The following TFIP11 variants were observed in gnomAD, a reference collection of about 807,000 sequenced individuals.
TFIP11 encodes tuftelin interacting protein 11.
TFIP11 carries 86 observed loss-of-function variants against 96.8 expected under a neutral mutation model. The observed-to-expected ratio is 0.89, with a 90% CI of 0.75 to 1.06. The LOEUF (loss-of-function observed/expected upper bound fraction) is 1.06. Ranked by LOEUF, TFIP11 falls within the 50% of genes least tolerant of loss-of-function variation. The probability of loss-of-function intolerance (pLI) is 0.00; values close to 1 mark genes in which losing one functional copy is unlikely to be tolerated. For missense variants in TFIP11, 881 were observed against 1,076.7 expected (o/e 0.82, Z 2.54); for synonymous variants, 405 against 395.2 (o/e 1.02, Z -0.29).
intron 3 of TFIP11, 62 bp downstream of exon 3, chr22:26,510,555 C>T (rs1421340632): frequency 1.0e-5 from 4 of 396,484 alleles, no homozygotes; most frequent in African/African-American, 2.0e-5. Context: ...AAATATCACA[C>T]ATATTCACAC....
Position 26,498,928 on chromosome 22 carries a change from T to C in TFIP11, c.1377A>G (p.Leu459=). 6.2e-7 allele frequency: 1 copy of C among 1,613,574 alleles called. No individual in the cohort carries two copies. Among genetic ancestry groups the C allele is most frequent in the Non-Finnish European group, 8.5e-7 (1 of 1,179,876 alleles). Residue 459 remains leucine, a synonymous_variant, in exon 10 of 15, where the codon CTA becomes CTG. Coordinates refer to ENST00000407690, the MANE Select transcript of TFIP11 (RefSeq NM_012143.4). ...CATGGGACAAGAGCTGGTCATTCTC[T>C]AGGAGGCTTTTCCACTTAGAGATGA... ...TEIISKWKSL[L]ENDQLLSHGG...
intron 2 of TFIP11, 105 bp downstream of exon 2, chr22:26,511,994 G>T (rs764963603): frequency 6.6e-6 from 1 of 152,198 alleles, no homozygotes; most frequent in African/African-American, 2.4e-5. Context: ...GGTCGCTTGA[G>T]ACCGATTATC....
At position 26,498,854 on chromosome 22, in the gene TFIP11, T is replaced by TG. The variant is rs771072371; in HGVS notation, c.1436+14dup. 6.3e-7 allele frequency: 1 copy of TG among 1,594,732 alleles called. No homozygotes were observed. Among genetic ancestry groups the TG allele is most frequent in the East Asian group, 2.2e-5 (1 of 44,756 alleles). On this transcript the variant is annotated intron_variant, in intron 10 of 14. Coordinates refer to ENST00000407690, the MANE Select transcript of TFIP11 (RefSeq NM_012143.4). ...AGAAAGGAGCTGGGGTACAGAGCCC[T>TG]GCTCTGTGGTGTACCTGTGAAAGGC...
chr22:26,509,944 G>A, intron 4 of TFIP11, 120 bp downstream of exon 4: 1 of 987,480 alleles, frequency 1.0e-6, no homozygotes, highest in Non-Finnish European at 1.5e-6. Context: ...TGATGTCACA[G>A]CTAACAGTCT....
chr22:26,499,540 A>G lies in TFIP11; in HGVS notation c.893T>C (p.Leu298Pro). The stretch of plus-strand genomic sequence containing the variant: ...AGACTGTGGCAGCTGTTGGGACTGT[A>G]GCGGCAGCCCATCATCGGGAACGTT... ...KHNVPDDGLPLQSQQLPQSGK... is the reference protein window; with the variant it reads ...KHNVPDDGLPPQSQQLPQSGK... Residue 298 changes from leucine (L) to proline (P), a missense_variant, in exon 9 of 15, where the codon CTA becomes CCA. Transcript: ENST00000407690. 2 of 1,614,204 alleles carry G rather than the reference A, an allele frequency of 1.2e-6. No individual in the cohort carries two copies. The highest frequency in any genetic ancestry group is 1.1e-5 in the South Asian group (1 of 91,080).
rs1459496193 is a variant in TFIP11 at position 26,493,943 on chromosome 22, C to T, written c.2158+196G>A. 1.0e-5 allele frequency: 6 copies of T among 578,744 alleles called. No individual in the cohort carries two copies. The East Asian group carries it at 1.8e-4, about 18-fold the overall frequency. 35.9% of individuals were successfully genotyped at this position (578,744 alleles called of 1,614,324 possible). On this transcript the variant is annotated intron_variant, in intron 14 of 14. Transcript: ENST00000407690. ...ACTCAGGGAAGATGCCCCTCTCAGT[C>T]ATGGTAGACCTGGGCAGTGGGTGCC...
chr22:26,502,078 G>A, intron 7 of TFIP11, 26 bp from the exon 8 acceptor site: 2 of 1,613,890 alleles, frequency 1.2e-6, no homozygotes, highest in Non-Finnish European at 8.5e-7. Flanking sequence ...ACAGTCAGAT[G>A]CAGCAAGGAA....
intron 7 of TFIP11, among the ~76,000 whole-genome samples, chr22:26,502,714 C>T (rs1922944374): frequency 6.6e-6 from 1 of 152,192 alleles, no homozygotes. Context: ...AGTATCTAGA[C>T]ATCTGGCTAC....
At position 26,510,299 on chromosome 22, in the gene TFIP11, A is replaced by G; in HGVS notation, c.-9-18T>C. 6.2e-7 allele frequency: 1 copy of G among 1,612,566 alleles called. No individual in the cohort carries two copies. Among genetic ancestry groups the G allele is most frequent in the Non-Finnish European group, 8.5e-7 (1 of 1,178,596 alleles). On this transcript the variant is annotated intron_variant, in intron 3 of 14. Coordinates refer to ENST00000407690, the MANE Select transcript of TFIP11 (RefSeq NM_012143.4). ...GCCAGTCACTAAAGGAAGAGACAAA[A>G]AGAGCACAGGCCGTAAGTCCTGGGG...
chr22:26,491,753 C>G lies in TFIP11; in HGVS notation c.*260G>C. 1.6e-6 allele frequency: 2 copies of G among 1,289,232 alleles called. No homozygotes were observed. The highest frequency in any genetic ancestry group is 2.2e-6 in the Non-Finnish European group (2 of 930,052). 79.9% of individuals were successfully genotyped at this position (1,289,232 alleles called of 1,614,324 possible). On this transcript the variant is annotated 3_prime_UTR_variant, in exon 15 of 15. Transcript: ENST00000407690. Reference sequence around the variant, plus strand: ...AGGGAAGGCTGCTATGGAGGAACTACAGAGAACTCCTTTGCCAGGAAAGAA... The same window carrying G: ...AGGGAAGGCTGCTATGGAGGAACTAGAGAGAACTCCTTTGCCAGGAAAGAA...
At chr22:26,509,813 G>A (rs892125318) in intron 4 of TFIP11, among the ~76,000 whole-genome samples, 5 of 152,072 alleles carry the variant, frequency 3.3e-5, no homozygotes, top group African/African-American at 9.7e-5. Context: ...CCAAGAGCAC[G>A]TCACTGCACT....
chr22:26,495,872 G>A (rs897980541), intron 12 of TFIP11, among the ~76,000 whole-genome samples: 2 of 152,092 alleles, frequency 1.3e-5, no homozygotes, highest in Middle Eastern at 3.2e-3. Context: ...ATTAGTGACT[G>A]TTGTAAATAA....
At chr22:26,501,810 CT>C in intron 8 of TFIP11, 89 bp downstream of exon 8, 1 of 727,674 alleles carries the variant, frequency 1.4e-6, no homozygotes, top group Non-Finnish European at 2.0e-6. Context: ...AAAAAAAAGC[CT>C]AGCTAAAAGA....
chr22:26,499,322 A>C lies in TFIP11; in HGVS notation c.1111T>G (p.Ser371Ala). ...EVLDHEERVI[S>A]NLSKVLEMVE... ...ATCTCCAGGACCTTGCTGAGGTTCGAGATGACCCGCTCCTCGTGGTCCAGG... is the reference window on the plus strand; with the variant it reads ...ATCTCCAGGACCTTGCTGAGGTTCGCGATGACCCGCTCCTCGTGGTCCAGG... The change falls in exon 9 of 15, where the codon TCG becomes GCG. Residue 371 changes from serine (S) to alanine (A), a missense_variant. Coordinates refer to ENST00000407690, the MANE Select transcript of TFIP11 (RefSeq NM_012143.4). The C allele has an allele frequency of 6.2e-7, 1 of 1,614,082 alleles. No individual in the cohort carries two copies.
At chr22:26,511,160 A>G (rs1433228787) in intron 2 of TFIP11, 1 of 152,452 alleles carries the variant, frequency 6.6e-6, no homozygotes, top group African/African-American at 2.4e-5. Flanking sequence ...CAGGCTGAGG[A>G]GCAAGGAGAG....
chr22:26,491,664 A>C lies in TFIP11; in HGVS notation c.*349T>G. 2.5e-6 allele frequency: 4 copies of C among 1,609,764 alleles called. No individual in the cohort carries two copies. The highest frequency in any genetic ancestry group is 3.4e-6 in the Non-Finnish European group (4 of 1,179,956). Reference sequence around the variant, plus strand: ...GAACAAGAGAGAAGATCCTTCTGCTACTGACTGAACTCGTTGTGAGGTACT... The same window carrying C: ...GAACAAGAGAGAAGATCCTTCTGCTCCTGACTGAACTCGTTGTGAGGTACT... On this transcript the variant is annotated 3_prime_UTR_variant, in exon 15 of 15. Transcript: ENST00000407690.
chr22:26,498,406 G>T (rs1390986496), intron 10 of TFIP11, among the ~76,000 whole-genome samples: 5 of 152,126 alleles, frequency 3.3e-5, no homozygotes, highest in African/African-American at 4.8e-5. Flanking sequence ...AGCTGGGCGT[G>T]GTGGCGTGTG....
In TFIP11 at chr22:26,496,296, G is replaced by C; in HGVS notation, c.1626C>G (p.Leu542=). The change falls in exon 12 of 15, where the codon CTC becomes CTG. Residue 542 remains leucine (L), a synonymous_variant. Coordinates refer to ENST00000407690, the MANE Select transcript of TFIP11 (RefSeq NM_012143.4). ...LQKEVENWNP[L]TDTVPIHSWI... is the part of the protein sequence containing the mutation. ...AAGAGTGGATGGGAACAGTGTCTGT[G>C]AGCGGGTTCCAGTTTTCCACCTGCG... The C allele has an allele frequency of 1.2e-6, 2 of 1,600,240 alleles. No individual in the cohort carries two copies. Among genetic ancestry groups the C allele is most frequent in the Non-Finnish European group, 1.7e-6 (2 of 1,169,750 alleles).
intron 7 of TFIP11, among the ~76,000 whole-genome samples, chr22:26,503,374 G>A (rs926836875): frequency 2.0e-5 from 3 of 152,082 alleles, no homozygotes; most frequent in Admixed American, 6.6e-5. Flanking sequence ...TCCCTGACCA[G>A]CCTATTTATA....
Sources: allele counts gnomAD v4.1 joint callset (sites outside exome capture counted in the v4.1 genomes callset), GRCh38; gene constraint gnomAD v4.1.1; transcripts MANE v1.5; gene names NCBI Gene and HGNC (gene_info 2026-07-23, HGNC 2026-07-21).